Variants in CNR1 observed in about 807,000 individuals in gnomAD.
CNR1 encodes the protein cannabinoid receptor 1.
A neutral mutation model predicts 23.0 loss-of-function variants in CNR1; 10 were observed. The ratio of observed to expected loss-of-function variants is 0.43; its 90% CI spans 0.27 to 0.74. The LOEUF (loss-of-function observed/expected upper bound fraction) is 0.74, where lower values mean the gene tolerates loss of function less well. Ranked by LOEUF, CNR1 falls within the 30% of genes least tolerant of loss-of-function variation. CNR1 has a pLI of 0.19. For synonymous variants in CNR1, 271 were observed against 255.2 expected, an observed-to-expected ratio of 1.06 and a Z score of -0.59; for missense variants, 422 against 618.8, an observed-to-expected ratio of 0.68 and a Z score of 3.37.
chr6:88,152,453 A>C (rs1182527990), intron 1 of CNR1, among the ~76,000 whole-genome samples: 1 of 152,206 alleles, frequency 6.6e-6, no homozygotes, highest in Non-Finnish European at 1.5e-5. Flanking sequence ...TCTGTGACTT[A>C]CTTTAGATTA....
intron 1 of CNR1, among the ~76,000 whole-genome samples, chr6:88,145,722 C>T (rs1777144477): frequency 6.6e-6 from 1 of 152,226 alleles, no homozygotes; most frequent in Non-Finnish European, 1.5e-5. Flanking sequence ...CTGTCACACA[C>T]ACATGGTATC....
rs1421571407 is a variant in CNR1 at position 88,144,654 on chromosome 6, C to G, written c.621G>C (p.Leu207=). ...TASFTASVGS[L]FLTAIDRYIS... ...TGTACCTGTCGATGGCTGTGAGGAA[C>G]AGGCTGCCCACGGAGGCAGTGAAGG... The change falls in exon 2 of 2, where the codon CTG becomes CTC. Residue 207 remains leucine (L), a synonymous_variant. Transcript: ENST00000369501. This position sits in a 1 kb window ranked among gnomAD's most constrained non-coding sequence, Gnocchi z 7.8. The G allele has an allele frequency of 1.2e-6, 2 of 1,614,238 alleles. No homozygotes were observed. Among genetic ancestry groups the G allele is most frequent in the East Asian group, 2.2e-5 (1 of 44,878 alleles).
At chr6:88,146,818 A>AT (rs1481892869) in intron 1 of CNR1, among the ~76,000 whole-genome samples, 4 of 152,204 alleles carry the variant, frequency 2.6e-5, no homozygotes, top group African/African-American at 9.7e-5. Context: ...GACAATCACT[A>AT]TTTCAGAACA....
chr6:88,143,757 T>C lies in CNR1; in HGVS notation c.*99A>G, dbSNP rs1776964262. 1 of 850,244 alleles carries C rather than the reference T, an allele frequency of 1.2e-6. No homozygotes were observed. The highest frequency in any genetic ancestry group is 1.9e-6 in the Non-Finnish European group (1 of 534,270). The allele number at this position is 850,244 out of a possible 1,614,324, so 52.7% of individuals were successfully genotyped here. A position where few individuals can be genotyped will look rare whatever the true frequency, so the allele number is the denominator to read the frequency against. On this transcript the variant is annotated 3_prime_UTR_variant, in exon 2 of 2. Transcript: ENST00000369501. ...ACAATCACCTTTTCATTGAGCATGGTAAAGTTAAAAAAATATAACCAAGGA... is the reference window on the plus strand; with the variant it reads ...ACAATCACCTTTTCATTGAGCATGGCAAAGTTAAAAAAATATAACCAAGGA...
At position 88,143,602 on chromosome 6, in the gene CNR1, ATT is replaced by A; in HGVS notation, c.*252_*253del. 1 of 386,862 alleles carries A rather than the reference ATT, an allele frequency of 2.6e-6. No individual in the cohort carries two copies. Among genetic ancestry groups the A allele is most frequent in the Admixed American group, 4.3e-5 (1 of 23,500 alleles). 24.0% of individuals were successfully genotyped at this position (386,862 alleles called of 1,614,324 possible). On this transcript the variant is annotated 3_prime_UTR_variant, in exon 2 of 2. Transcript: ENST00000369501. ...TTGTGTAGCCAAAGGTTTCCCTCCTATTTCATTGAGACTTTGAAGGATCGTTC... is the reference window on the plus strand; with the variant it reads ...TTGTGTAGCCAAAGGTTTCCCTCCTATCATTGAGACTTTGAAGGATCGTTC...
rs1413404443 is a variant in CNR1 at position 88,144,665 on chromosome 6, C to T, written c.610G>A (p.Val204Met). Residue 204 changes from valine to methionine, a missense_variant, in exon 2 of 2, where the codon GTG (valine) becomes ATG (methionine). Val to Met is a conservative substitution (Grantham distance 21). Around this residue, in one of 4 missense-constraint regions of CNR1, gnomAD observed 211 missense variants for 357.3 expected, o/e 0.59. Coordinates refer to ENST00000369501, the MANE Select transcript of CNR1 (RefSeq NM_016083.6). The surrounding 1 kb of genome is among the most constrained non-coding windows in gnomAD (Gnocchi z 7.8). ...ATGGCTGTGAGGAACAGGCTGCCCA[C>T]GGAGGCAGTGAAGGAGGCCGTGACC... ...GGVTASFTAS[V>M]GSLFLTAIDR... 3 of 1,614,046 alleles carry T rather than the reference C, an allele frequency of 1.9e-6. No homozygotes were observed. Among genetic ancestry groups the T allele is most frequent in the Non-Finnish European group, 2.5e-6 (3 of 1,180,044 alleles).
Position 88,141,578 on chromosome 6 carries a change from G to A in CNR1, c.*2278C>T, listed in dbSNP as rs1776819810. 1 of 152,358 alleles carries A rather than the reference G, an allele frequency of 6.6e-6. No homozygotes were observed. Among genetic ancestry groups the A allele is most frequent in the South Asian group, 2.1e-4 (1 of 4,834 alleles). The allele number at this position is 152,358 out of a possible 1,614,324, so 9.4% of individuals were successfully genotyped here. A position where few individuals can be genotyped will look rare whatever the true frequency, so the allele number is the denominator to read the frequency against. ...TGGATTAATGTTCAAGATGATGCAG[G>A]ACAAAAGACTGGCAATTCTTAAATG... On this transcript the variant is annotated 3_prime_UTR_variant, in exon 2 of 2. Coordinates refer to ENST00000369501, the MANE Select transcript of CNR1 (RefSeq NM_016083.6).
chr6:88,158,989 T>C (rs1219131977), intron 1 of CNR1, among the ~76,000 whole-genome samples: 1 of 152,206 alleles, frequency 6.6e-6, no homozygotes. Context: ...AACTTTTTTA[T>C]GGATTTTGTC....
intron 1 of CNR1, among the ~76,000 whole-genome samples, chr6:88,151,039 T>C (rs1202335479): frequency 6.6e-6 from 1 of 152,194 alleles, no homozygotes; most frequent in Non-Finnish European, 1.5e-5. Context: ...TTTAAGCATA[T>C]AGAGAGAGCT....
At position 88,166,064 on chromosome 6, in the gene CNR1, G is replaced by A. The variant is rs1268455426; in HGVS notation, c.-325C>T. 1 of 152,562 alleles carries A rather than the reference G, an allele frequency of 6.6e-6. No homozygotes were observed. The highest frequency in any genetic ancestry group is 1.5e-5 in the Non-Finnish European group (1 of 68,384). The allele number at this position is 152,562 out of a possible 1,614,324, so 9.5% of individuals were successfully genotyped here. ...GCGCCGGCGCCGGGCTGCTGGCGAGGCGGGGTGGGGTGGAGTGGGGTGTGC... is the reference window on the plus strand; with the variant it reads ...GCGCCGGCGCCGGGCTGCTGGCGAGACGGGGTGGGGTGGAGTGGGGTGTGC... On this transcript the variant is annotated 5_prime_UTR_variant, in exon 1 of 2. Transcript: ENST00000369501.
chr6:88,163,159 G>T (rs1215304404), intron 1 of CNR1: 1 of 152,124 alleles, frequency 6.6e-6, no homozygotes, highest in African/African-American at 2.4e-5. Flanking sequence ...TTATAACATA[G>T]ATCAATTCAG....
chr6:88,143,916 C>T lies in CNR1; in HGVS notation c.1359G>A (p.Thr453=), dbSNP rs1049353. 411,125 of 1,613,862 alleles carry T rather than the reference C, an allele frequency of 0.25. 56,313 individuals carry two copies. The highest frequency in any genetic ancestry group is 0.29 in the Non-Finnish European group (337,088 of 1,179,914). ...ACATGGTTACCTTGGCAATCTTGAC[C>T]GTGCTCTTGATGCAGCTTTCTGCGG... ...HRAAESCIKS[T]VKIAKVTMSV... The change falls in exon 2 of 2, where the codon ACG becomes ACA. Residue 453 remains threonine, a synonymous_variant. Coordinates refer to ENST00000369501, the MANE Select transcript of CNR1 (RefSeq NM_016083.6).
chr6:88,145,001 T>C lies in CNR1; in HGVS notation c.274A>G (p.Asn92Asp). 1.9e-6 allele frequency: 3 copies of C among 1,614,166 alleles called. No homozygotes were observed. The highest frequency in any genetic ancestry group is 2.5e-6 in the Non-Finnish European group (3 of 1,180,040). ...TCCCCACACTGGATGTTCTCCTCATTCTCCTTGAAGGACGAGAGAGACTTG... is the reference window on the plus strand; with the variant it reads ...TCCCCACACTGGATGTTCTCCTCATCCTCCTTGAAGGACGAGAGAGACTTG... ...YNKSLSSFKE[N>D]EENIQCGENF... The change falls in exon 2 of 2, where the codon AAT becomes GAT. Residue 92 changes from asparagine (N) to aspartate (D), a missense_variant. Asn to Asp is a conservative substitution (Grantham distance 23). This residue lies in a region of CNR1 where 120 missense variants were observed against 117.6 expected (regional missense o/e 1.02). Coordinates refer to ENST00000369501, the MANE Select transcript of CNR1 (RefSeq NM_016083.6).
At chr6:88,163,776 T>A (rs1470343019) in intron 1 of CNR1, among the ~76,000 whole-genome samples, 1 of 152,250 alleles carries the variant, frequency 6.6e-6, no homozygotes, top group Non-Finnish European at 1.5e-5. Flanking sequence ...CAGTTTCATC[T>A]TGGTAACATT....
chr6:88,144,989 T>C lies in CNR1; in HGVS notation c.286A>G (p.Ile96Val). 1 of 1,614,212 alleles carries C rather than the reference T, an allele frequency of 6.2e-7. No homozygotes were observed. Among genetic ancestry groups the C allele is most frequent in the Non-Finnish European group, 8.5e-7 (1 of 1,180,036 alleles). ...LSSFKENEEN[I>V]QCGENFMDIE... is the part of the protein sequence containing the mutation. ...TCCATGAAGTTCTCCCCACACTGGA[T>C]GTTCTCCTCATTCTCCTTGAAGGAC... The change falls in exon 2 of 2, where the codon ATC (isoleucine) becomes GTC (valine). Residue 96 changes from isoleucine to valine, a missense_variant. By Grantham distance (29) the Ile-to-Val change is conservative. Coordinates refer to ENST00000369501, the MANE Select transcript of CNR1 (RefSeq NM_016083.6). The surrounding 1 kb of genome is among the most constrained non-coding windows in gnomAD (Gnocchi z 7.8).
intron 1 of CNR1, chr6:88,147,788 C>T (rs980733871): frequency 6.6e-6 from 1 of 152,294 alleles, no homozygotes; most frequent in African/African-American, 2.4e-5. Context: ...TGTGACTCCC[C>T]TCTTTCAATC....
chr6:88,147,047 C>T lies in CNR1; in HGVS notation c.-63-1710G>A, dbSNP rs557371285. Among the ~76,000 whole-genome samples, 32 of 152,210 alleles carry T rather than the reference C, an allele frequency of 2.1e-4. No homozygotes were observed. The South Asian group carries it at 5.6e-3, about 27-fold the overall frequency. ...GTAGTTCATGCCTGTAATCCCAGCA[C>T]TTTGGGAGGCTGAGGTGGGCATATC... On this transcript the variant is annotated intron_variant, in intron 1 of 1. Transcript: ENST00000369501.
chr6:88,165,255 A>G (rs1356088766), intron 1 of CNR1, among the ~76,000 whole-genome samples: 2 of 152,244 alleles, frequency 1.3e-5, no homozygotes, highest in South Asian at 2.1e-4. Context: ...CATTAACTTT[A>G]GTCATCTAAC....
rs570303554 is a variant in CNR1 at position 88,151,678 on chromosome 6, AATAAT to A, written c.-63-6346_-63-6342del. On this transcript the variant is annotated intron_variant, in intron 1 of 1. Coordinates refer to ENST00000369501, the MANE Select transcript of CNR1 (RefSeq NM_016083.6). ...TAATTATATTGTAAGAATATATTAT[AATAAT>A]ATAATACATACTAATTATATCTCAA... 8.4e-4 allele frequency among the ~76,000 whole-genome samples: 127 copies of A among 151,480 alleles called. 1 individual carries two copies. Among genetic ancestry groups the A allele is most frequent in the African/African-American group, 2.9e-3 (122 of 41,394 alleles).
Sources: gnomAD v4.1 joint callset for allele counts (sites outside exome capture counted in the v4.1 genomes callset) on GRCh38, gnomAD v4.1.1 for gene constraint, gnomAD v4.1.1 regional missense constraint, Gnocchi (gnomAD v3.1) non-coding constraint, MANE v1.5 for transcripts, NCBI Gene and HGNC (gene_info 2026-07-23, HGNC 2026-07-21) for gene names.